LZTS2: variants seen among roughly 807,000 people sequenced by gnomAD.
LZTS2 encodes the protein leucine zipper tumor suppressor 2.
In LZTS2, 32 loss-of-function variants were observed where a neutral mutation model predicts 60.6. The ratio of observed to expected loss-of-function variants is 0.53; its 90% confidence interval spans 0.40 to 0.71. The LOEUF (loss-of-function observed/expected upper bound fraction) is 0.71, where lower values mean the gene tolerates loss of function less well. Ranked by LOEUF, LZTS2 falls within the 30% of genes least tolerant of loss-of-function variation. The pLI is 0.00. For synonymous variants in LZTS2, 360 were observed against 393.1 expected, an observed-to-expected ratio of 0.92 and a Z score of 1.00; for missense variants, 792 against 901.9, an observed-to-expected ratio of 0.88 and a Z score of 1.56.
upstream of LZTS2, among the ~76,000 whole-genome samples, chr10:100,998,108 C>T (rs953722428): frequency 7.9e-5 from 12 of 152,194 alleles, no homozygotes; most frequent in Non-Finnish European, 1.5e-4. Flanking sequence ...TCTCCTCCCC[C>T]CAGAAAATGC....
At chr10:101,001,929 C>T (rs1333398992) in exon 1 of LZTS2, 1 of 152,260 alleles carries the variant, frequency 6.6e-6, no homozygotes, top group African/African-American at 2.4e-5. Context: ...CTAAGAGCCG[C>T]GGGTTTCTTA....
In LZTS2 at chr10:101,006,481, C is replaced by G. The variant is rs1852203386; in HGVS notation, c.1327-4C>G. On this transcript the variant is annotated splice_polypyrimidine_tract_variant and splice_region_variant and intron_variant, in intron 3 of 3. Coordinates refer to ENST00000370220, the Ensembl canonical transcript of LZTS2. The stretch of plus-strand genomic sequence containing the variant: ...CATCCTTCCCCACTTCCTCCCACCC[C>G]CAGGTGTGCCAGAAATCAGGCGAGA... 1 of 1,606,274 alleles carries G rather than the reference C, an allele frequency of 6.2e-7. No individual in the cohort carries two copies. Among genetic ancestry groups the G allele is most frequent in the South Asian group, 1.1e-5 (1 of 90,250 alleles).
chr10:100,998,526 G>C (rs748981646), upstream of LZTS2: 3 of 152,398 alleles, frequency 2.0e-5, no homozygotes, highest in Admixed American at 6.5e-5. Context: ...GCCTGGAAGG[G>C]GGGGATGCTC....
chr10:101,002,711 A>G, exon 1 of LZTS2: 1 of 1,611,572 alleles, frequency 6.2e-7, no homozygotes, highest in Non-Finnish European at 8.5e-7. Flanking sequence ...TTCTTCCGCC[A>G]GCAGGATGGC....
Position 101,003,637 on chromosome 10 carries a change from C to T in LZTS2, c.539C>T (p.Thr180Met), listed in dbSNP as rs764000155. ...CTGTCTGGGAGCCAGGGCAGCCTGA[C>T]GCAGCTGTTTGGGGGCCCTGCCTCC... is the stretch of plus-strand genomic sequence containing the variant. The change falls in exon 2 of 4, where the codon ACG (threonine) becomes ATG (methionine). Residue 180 changes from threonine (T) to methionine (M), a missense_variant. Physicochemically the swap from Thr to Met is moderately conservative, Grantham distance 81 (BLOSUM62 -1). Coordinates refer to ENST00000370220, the Ensembl canonical transcript of LZTS2. 4.7e-5 allele frequency: 75 copies of T among 1,607,386 alleles called. No homozygotes were observed. In the South Asian group the frequency reaches 5.1e-4, roughly 11 times the overall value.
exon 2 of LZTS2, chr10:101,003,847 A>G (rs1026494211): frequency 6.2e-7 from 1 of 1,613,074 alleles, no homozygotes; most frequent in African/African-American, 1.3e-5. Context: ...CTGCCTTCCC[A>G]TGGCTCTGGG....
At chr10:101,000,102 C>T (rs1281376510) in exon 1 of LZTS2, 4 of 152,322 alleles carry the variant, frequency 2.6e-5, no homozygotes, top group African/African-American at 9.6e-5. Context: ...CCTGGCTTCC[C>T]GCCGCAGAAT....
At chr10:100,996,626 T>C (rs1445438337), upstream of LZTS2, 1 of 152,302 alleles carries the variant, frequency 6.6e-6, no homozygotes, top group Non-Finnish European at 1.5e-5. Flanking sequence ...ATACCTACTC[T>C]AGGGAGGGGG....
upstream of LZTS2, among the ~76,000 whole-genome samples, chr10:100,998,062 T>C (rs1421055548): frequency 6.6e-6 from 1 of 152,104 alleles, no homozygotes; most frequent in African/African-American, 2.4e-5. Context: ...CGGGTCCCCT[T>C]CCTACCCTCA....
At position 101,007,091 on chromosome 10, in the gene LZTS2, C is replaced by G. The variant is rs138441624; in HGVS notation, c.1933C>G (p.Arg645Gly). 4 of 1,610,322 alleles carry G rather than the reference C, an allele frequency of 2.5e-6. No homozygotes were observed. Among genetic ancestry groups the G allele is most frequent in the Non-Finnish European group, 3.4e-6 (4 of 1,179,232 alleles). The change falls in exon 4 of 4, where the codon CGG becomes GGG. Residue 645 changes from arginine (R) to glycine (G), a missense_variant. Arg to Gly is a moderately radical substitution (Grantham distance 125). Transcript: ENST00000370220. Reference sequence around the variant, plus strand: ...GCAGCTCAGCCTGGAGCTGGAGGCCCGGGAGCTCGCTGACCTGGGCCTGGC... The same window carrying G: ...GCAGCTCAGCCTGGAGCTGGAGGCCGGGGAGCTCGCTGACCTGGGCCTGGC...
exon 1 of LZTS2, chr10:101,002,316 C>T (rs975282926): frequency 2.2e-6 from 1 of 450,618 alleles, no homozygotes; most frequent in East Asian, 3.5e-5. Context: ...CCTGTTCAGA[C>T]CAGCATTGGG....
At chr10:101,007,442 C>A in exon 4 of LZTS2, 1 of 1,474,906 alleles carries the variant, frequency 6.8e-7, no homozygotes, top group South Asian at 1.2e-5. Flanking sequence ...AGTGCCACTG[C>A]CAACCCTGTT....
exon 2 of LZTS2, chr10:101,003,799 G>C: frequency 1.9e-6 from 3 of 1,613,242 alleles, no homozygotes; most frequent in Non-Finnish European, 2.5e-6. Context: ...TACAGCACCG[G>C]AGGTGCCGAG....
chr10:101,002,655 C>CG lies in LZTS2; in HGVS notation c.123dup (p.Pro42AlafsTer27), dbSNP rs758593871. 3 of 1,607,804 alleles carry CG rather than the reference C, an allele frequency of 1.9e-6. No homozygotes were observed. The highest frequency in any genetic ancestry group is 2.2e-5 in the East Asian group (1 of 44,794). On this transcript the variant is annotated frameshift_variant, in exon 1 of 4. Transcript: ENST00000370220. LOFTEE classifies it high-confidence loss of function. ...GCCTTATCTCAGGCCGGCCCTGTCC[C>CG]GGGGGGCCAGCTCCTCCCCGCCACC...
exon 4 of LZTS2, chr10:101,007,176 A>C: frequency 6.4e-7 from 1 of 1,556,818 alleles, no homozygotes; most frequent in Non-Finnish European, 8.7e-7. Context: ...TAGGGCCCTC[A>C]GCAACCAGCT....
chr10:101,003,039 G>T, intron 1 of LZTS2, 93 bp downstream of exon 2: 2 of 1,422,496 alleles, frequency 1.4e-6, no homozygotes, highest in Non-Finnish European at 1.9e-6. Context: ...GAAAGAGTGT[G>T]GGCTCCAGAT....
exon 2 of LZTS2, chr10:101,003,894 A>C (rs1319533125): frequency 2.5e-6 from 4 of 1,612,744 alleles, no homozygotes; most frequent in Non-Finnish European, 3.4e-6. Context: ...AGGGGTCCCT[A>C]CTGGGCCCTC....
intron 3 of LZTS2, among the ~76,000 whole-genome samples, chr10:101,005,959 A>G (rs909871202): frequency 2.6e-5 from 4 of 152,214 alleles, no homozygotes; most frequent in African/African-American, 4.8e-5. Flanking sequence ...TGGAGGCACT[A>G]TTCTAAGCAT....
At chr10:101,001,297 C>G (rs1250825273) in exon 1 of LZTS2, 2 of 152,306 alleles carry the variant, frequency 1.3e-5, no homozygotes, top group Non-Finnish European at 2.9e-5. Flanking sequence ...GATCCACATA[C>G]TCTTCTAAGA....
Sources: allele counts gnomAD v4.1 joint callset (sites outside exome capture counted in the v4.1 genomes callset), GRCh38; gene constraint gnomAD v4.1.1; transcripts MANE v1.5; gene names NCBI Gene and HGNC (gene_info 2026-07-23, HGNC 2026-07-21).